Variants in OSTC observed in about 807,000 individuals in gnomAD.
The protein encoded by OSTC is oligosaccharyltransferase complex non-catalytic subunit.
OSTC carries 16 observed loss-of-function variants against 16.4 expected under a neutral mutation model. The ratio of observed to expected loss-of-function variants is 0.98; its 90% CI spans 0.66 to 1.49. OSTC has a LOEUF of 1.49. OSTC is among the 40% of genes most tolerant of loss of function. The pLI is 0.00. For synonymous variants in OSTC, 67 were observed against 68.5 expected (o/e 0.98, Z 0.11); for missense variants, 139 against 186.3 (o/e 0.75, Z 1.48).
chr4:108,665,544 T>TGTTTG (rs1726973304), intron 3 of OSTC, among the ~76,000 whole-genome samples: 1 of 111,086 alleles, frequency 9.0e-6, no homozygotes, highest in African/African-American at 3.7e-5. Context: ...TGTTTTGTTT[T>TGTTTG]GTTTTGTTTT....
chr4:108,657,530 A>G lies in OSTC; in HGVS notation c.314A>G (p.Asp105Gly). Reference sequence around the variant, plus strand: ...GGAGGTTTAGGTTTCATAATCCTGGACCGATCGAATGCACCAAATATCCCA... The same window carrying G: ...GGAGGTTTAGGTTTCATAATCCTGGGCCGATCGAATGCACCAAATATCCCA... ...TMGGLGFIIL[D>G]RSNAPNIPKL... The change falls in exon 3 of 4, where the codon GAC becomes GGC. Residue 105 changes from aspartate to glycine, a missense_variant. By Grantham distance (94) the Asp-to-Gly change is moderately conservative. Transcript: ENST00000361564. 6.2e-7 allele frequency: 1 copy of G among 1,613,660 alleles called. No individual in the cohort carries two copies. Among genetic ancestry groups the G allele is most frequent in the Non-Finnish European group, 8.5e-7 (1 of 1,179,632 alleles).
intron 3 of OSTC, among the ~76,000 whole-genome samples, chr4:108,660,651 A>C (rs1018217800): frequency 4.6e-5 from 7 of 152,214 alleles, no homozygotes; most frequent in Non-Finnish European, 1.0e-4. Flanking sequence ...GTTTTTCCAA[A>C]TCAACTATGT....
chr4:108,661,452 CAAAGG>C lies in OSTC; in HGVS notation c.431+3809_431+3813del, dbSNP rs957381748. On this transcript the variant is annotated intron_variant, in intron 3 of 3. Coordinates refer to ENST00000361564, the MANE Select transcript of OSTC (RefSeq NM_021227.4). ...ACTGCATTTTAAATATACATAGACT[CAAAGG>C]AAATAATGTTCGGTTACTGAGTAGA... Among the ~76,000 whole-genome samples, 12 of 152,040 alleles carry C rather than the reference CAAAGG, an allele frequency of 7.9e-5. 2 individuals carry two copies. The highest frequency in any genetic ancestry group is 5.9e-4 in the Admixed American group (9 of 15,252).
chr4:108,660,618 C>CA (rs1726832786), intron 3 of OSTC, among the ~76,000 whole-genome samples: 1 of 151,914 alleles, frequency 6.6e-6, no homozygotes, highest in African/African-American at 2.4e-5. Flanking sequence ...AAAAAGATGT[C>CA]AAAAAAACAC....
At chr4:108,665,005 GA>G (rs1446546819) in intron 3 of OSTC, among the ~76,000 whole-genome samples, 9 of 152,144 alleles carry the variant, frequency 5.9e-5, no homozygotes, top group African/African-American at 2.2e-4. Context: ...AGAGTGTGTG[GA>G]TTGGCCAGGC....
chr4:108,654,645 C>G (rs1726653082), intron 1 of OSTC, among the ~76,000 whole-genome samples: 1 of 152,090 alleles, frequency 6.6e-6, no homozygotes, highest in Admixed American at 6.5e-5. Context: ...GCTTGTTATG[C>G]TTAAGAAAAG....
Position 108,667,252 on chromosome 4 carries a change from A to G in OSTC, c.437A>G (p.Tyr146Cys), listed in dbSNP as rs959437976. The change falls in exon 4 of 4, where the codon TAT (tyrosine) becomes TGT (cysteine). Residue 146 changes from tyrosine (Y) to cysteine (C), a missense_variant. Transcript: ENST00000361564. The stretch of plus-strand genomic sequence containing the variant: ...TTATAATTATATTTCTGCAGGGGCT[A>G]TCTGATGGGTTAGAGTGCCTTTGAG... ...RVFMRMKLPG[Y>C]LMG 3 of 1,609,520 alleles carry G rather than the reference A, an allele frequency of 1.9e-6. No individual in the cohort carries two copies. Among genetic ancestry groups the G allele is most frequent in the Non-Finnish European group, 2.5e-6 (3 of 1,177,362 alleles).
At chr4:108,650,955 C>T in intron 1 of OSTC, 161 bp downstream of exon 1, 1 of 1,016,560 alleles carries the variant, frequency 9.8e-7, no homozygotes, top group East Asian at 2.6e-5. Flanking sequence ...GTGTTAACGT[C>T]CAAGTTTATT....
At chr4:108,659,521 C>T (rs1726798875) in intron 3 of OSTC, among the ~76,000 whole-genome samples, 1 of 152,156 alleles carries the variant, frequency 6.6e-6, no homozygotes, top group Non-Finnish European at 1.5e-5. Flanking sequence ...GTAATCCCAG[C>T]ACTTTGGGAG....
At chr4:108,661,403 A>G (rs1726854403) in intron 3 of OSTC, among the ~76,000 whole-genome samples, 1 of 152,112 alleles carries the variant, frequency 6.6e-6, no homozygotes, top group Admixed American at 6.5e-5. Flanking sequence ...ATGTGAAATC[A>G]TGTATGTATG....
chr4:108,655,974 T>C (rs1172627533), intron 2 of OSTC, among the ~76,000 whole-genome samples: 1 of 152,154 alleles, frequency 6.6e-6, no homozygotes, highest in Non-Finnish European at 1.5e-5. Flanking sequence ...AAAGTTTTAT[T>C]GGAAGTAAGT....
intron 3 of OSTC, among the ~76,000 whole-genome samples, chr4:108,662,515 A>G (rs1412690263): frequency 1.3e-5 from 2 of 152,172 alleles, no homozygotes; most frequent in African/African-American, 4.8e-5. Flanking sequence ...GCATAGTACT[A>G]CTTTTCAGTT....
Position 108,657,552 on chromosome 4 carries a change from C to T in OSTC, c.336C>T (p.Ile112=), listed in dbSNP as rs1185997237. Residue 112 remains isoleucine, a synonymous_variant, in exon 3 of 4, where the codon ATC becomes ATT. Transcript: ENST00000361564. ...TGGACCGATCGAATGCACCAAATAT[C>T]CCAAAACTCAATAGATTCCTTCTTC... ...IILDRSNAPN[I]PKLNRFLLLF... is the part of the protein sequence containing the mutation. 1.2e-6 allele frequency: 2 copies of T among 1,613,692 alleles called. No homozygotes were observed. Among genetic ancestry groups the T allele is most frequent in the Non-Finnish European group, 8.5e-7 (1 of 1,179,696 alleles).
At chr4:108,657,832 T>G (rs188597362) in intron 3 of OSTC, among the ~76,000 whole-genome samples, 185 bp downstream of exon 3, 243 of 152,056 alleles carry the variant, frequency 1.6e-3, no homozygotes, top group South Asian at 0.012. Context: ...TAATAGATCT[T>G]CTTAGTTGTT....
intron 3 of OSTC, among the ~76,000 whole-genome samples, chr4:108,662,768 A>AGAG (rs1726889636): frequency 1.3e-5 from 2 of 152,278 alleles, no homozygotes; most frequent in South Asian, 4.1e-4. Flanking sequence ...TTGGAGCTAT[A>AGAG]TTTTAGAGAG....
chr4:108,663,734 G>T (rs1418779700), intron 3 of OSTC, among the ~76,000 whole-genome samples: 1 of 152,192 alleles, frequency 6.6e-6, no homozygotes, highest in Non-Finnish European at 1.5e-5. Context: ...AGGGTTAAAT[G>T]CAATAATGAA....
chr4:108,659,612 A>T (rs909545690), intron 3 of OSTC, among the ~76,000 whole-genome samples: 1 of 152,052 alleles, frequency 6.6e-6, no homozygotes, highest in African/African-American at 2.4e-5. Context: ...TACTAAAAAT[A>T]CAAAAAATGA....
intron 3 of OSTC, among the ~76,000 whole-genome samples, chr4:108,665,714 C>A (rs1726979432): frequency 6.6e-6 from 1 of 151,866 alleles, no homozygotes; most frequent in Non-Finnish European, 1.5e-5. Context: ...CGTCTGTCAC[C>A]ACGCCCAGCT....
At chr4:108,656,480 T>A (rs867393869) in intron 2 of OSTC, among the ~76,000 whole-genome samples, 153 of 151,484 alleles carry the variant, frequency 1.0e-3, no homozygotes, top group African/African-American at 3.4e-3. Context: ...AAAAATACCC[T>A]GTTTACATAT....
Sources: allele counts gnomAD v4.1 joint callset (sites outside exome capture counted in the v4.1 genomes callset), GRCh38; gene constraint gnomAD v4.1.1; transcripts MANE v1.5; gene names NCBI Gene and HGNC (gene_info 2026-07-23, HGNC 2026-07-21).